The following CA10 variants were observed in gnomAD, a reference collection of about 807,000 sequenced individuals.
CA10 encodes carbonic anhydrase 10 (inactive), also known as carbonic anhydrase-related protein 10.
A neutral mutation model predicts 44.2 loss-of-function variants in CA10; 14 were observed. The ratio of observed to expected loss-of-function variants is 0.32; its 90% CI spans 0.21 to 0.50. The LOEUF is 0.50. Ranked by LOEUF, CA10 falls within the 20% of genes least tolerant of loss-of-function variation. The pLI is 0.99. For synonymous variants in CA10, 159 were observed against 141.6 expected (o/e 1.12, Z -0.87); for missense variants, 350 against 409.7 (o/e 0.85, Z 1.26).
At chr17:51,819,900 TTCTCTG>T (rs1567850125) in intron 3 of CA10, among the ~76,000 whole-genome samples, 2 of 152,230 alleles carry the variant, frequency 1.3e-5, no homozygotes, top group South Asian at 2.1e-4. Context: ...GTTTCTCGAT[TTCTCTG>T]TCTCTGTCTG....
At chr17:51,818,173 T>G (rs902856526) in intron 3 of CA10, among the ~76,000 whole-genome samples, 2 of 152,214 alleles carry the variant, frequency 1.3e-5, no homozygotes, top group African/African-American at 2.4e-5. Flanking sequence ...TGAGCCTCAC[T>G]CCATTCAACT....
At chr17:51,770,597 T>G (rs1490802660) in intron 3 of CA10, among the ~76,000 whole-genome samples, 1 of 152,176 alleles carries the variant, frequency 6.6e-6, no homozygotes, top group East Asian at 1.9e-4. Flanking sequence ...AGGCTGTTCT[T>G]GCATTGCTAT....
chr17:51,675,548 CAAA>C (rs34639980), intron 4 of CA10, among the ~76,000 whole-genome samples: 170 of 117,922 alleles, frequency 1.4e-3, no homozygotes, highest in Admixed American at 2.3e-3. Context: ...GACTCCATCT[CAAA>C]AAAAAAAAAA....
chr17:51,734,178 T>TGG (rs11302511), intron 4 of CA10, among the ~76,000 whole-genome samples: 26 of 130,212 alleles, frequency 2.0e-4, no homozygotes, highest in African/African-American at 3.9e-4. Flanking sequence ...AATCTTTGGT[T>TGG]GGGGGGGGGG....
intron 3 of CA10, among the ~76,000 whole-genome samples, chr17:51,831,554 G>C (rs4794307): frequency 0.043 from 6,483 of 152,122 alleles, 230 homozygotes; most frequent in Admixed American, 0.11. Context: ...TGACCAATAA[G>C]ACTATCAATG....
At chr17:51,842,995 A>G (rs923339049) in intron 3 of CA10, among the ~76,000 whole-genome samples, 10 of 152,232 alleles carry the variant, frequency 6.6e-5, no homozygotes, top group Admixed American at 5.9e-4. Flanking sequence ...TACAGTGACC[A>G]TCTCCATTGC....
At position 51,849,994 on chromosome 17, in the gene CA10, G is replaced by A. The variant is rs191821358; in HGVS notation, c.279+80996C>T. On this transcript the variant is annotated intron_variant, in intron 3 of 8. Transcript: ENST00000451037. ...CTGGGGTCTTTAGAACTAGCTTCCC[G>A]AAGACATGCTTCAAGGACAGGGAAA... Among the ~76,000 whole-genome samples, 347 of 152,312 alleles carry A rather than the reference G, an allele frequency of 2.3e-3. 2 individuals are homozygous for A. The highest frequency in any genetic ancestry group is 7.8e-3 in the African/African-American group (325 of 41,564).
At chr17:51,668,097 C>G (rs1914273150) in intron 4 of CA10, among the ~76,000 whole-genome samples, 1 of 152,228 alleles carries the variant, frequency 6.6e-6, no homozygotes, top group Non-Finnish European at 1.5e-5. Context: ...GGGCCTCTGT[C>G]TTTTGCCAGG....
intron 1 of CA10, among the ~76,000 whole-genome samples, chr17:52,149,945 G>A (rs544009813): frequency 1.3e-5 from 2 of 152,284 alleles, no homozygotes; most frequent in East Asian, 3.9e-4. Flanking sequence ...TTCATGCACA[G>A]AGGGAAAATG....
chr17:51,947,529 GCTTC>G (rs1175173330), intron 2 of CA10, among the ~76,000 whole-genome samples: 2 of 152,176 alleles, frequency 1.3e-5, no homozygotes, highest in Admixed American at 1.3e-4. Context: ...CAGATGTTTA[GCTTC>G]ACTTTAATAT....
At chr17:51,967,034 G>A (rs977794261) in intron 2 of CA10, among the ~76,000 whole-genome samples, 1 of 151,578 alleles carries the variant, frequency 6.6e-6, no homozygotes, top group Non-Finnish European at 1.5e-5. Flanking sequence ...CCATTAAAAA[G>A]CAGGCAAAAG....
At chr17:51,677,437 T>C (rs937895728) in intron 4 of CA10, among the ~76,000 whole-genome samples, 9 of 152,132 alleles carry the variant, frequency 5.9e-5, no homozygotes, top group African/African-American at 1.4e-4. Flanking sequence ...CCTGCCATCA[T>C]TGTAAGTTTC....
chr17:51,951,939 T>C (rs1043093700), intron 2 of CA10, among the ~76,000 whole-genome samples: 4 of 152,298 alleles, frequency 2.6e-5, no homozygotes, highest in African/African-American at 9.6e-5. Flanking sequence ...GCTGTGCTCA[T>C]CTCTGGCTAT....
chr17:52,139,590 T>C (rs1029005287), intron 1 of CA10, among the ~76,000 whole-genome samples: 1 of 152,084 alleles, frequency 6.6e-6, no homozygotes. Flanking sequence ...TTAACCTCTC[T>C]GAGCTTCCTT....
At chr17:52,074,660 T>G (rs1341960365) in intron 1 of CA10, among the ~76,000 whole-genome samples, 1 of 152,200 alleles carries the variant, frequency 6.6e-6, no homozygotes, top group African/African-American at 2.4e-5. Context: ...AAAAAAATTT[T>G]TACAGTGTTT....
chr17:51,662,727 G>T (rs1914052743), intron 4 of CA10, among the ~76,000 whole-genome samples: 1 of 152,176 alleles, frequency 6.6e-6, no homozygotes, highest in South Asian at 2.1e-4. Context: ...GAGATTTTCT[G>T]CATTGTAGGC....
rs576254529 is a variant in CA10, at chr17:52,017,065, C to T, written c.136+55254G>A. The stretch of plus-strand genomic sequence containing the variant: ...GCTAGAAGCAGATGCTGGTGAGATG[C>T]TTTCTGTACATTCCGCAGAACTGTG... On this transcript the variant is annotated intron_variant, in intron 2 of 8. Coordinates refer to ENST00000451037, the MANE Select transcript of CA10 (RefSeq NM_020178.5). Among the ~76,000 whole-genome samples the T allele has an allele frequency of 1.2e-3, 181 of 152,240 alleles. 1 individual carries two copies. The highest frequency in any genetic ancestry group is 4.1e-3 in the African/African-American group (169 of 41,556).
At chr17:51,908,437 T>C (rs141704174) in intron 3 of CA10, among the ~76,000 whole-genome samples, 46 of 152,304 alleles carry the variant, frequency 3.0e-4, no homozygotes, top group African/African-American at 1.1e-3. Flanking sequence ...GTGAATAATT[T>C]CTTCTTTTCT....
chr17:51,674,023 G>A (rs994469), intron 4 of CA10, among the ~76,000 whole-genome samples: 20,247 of 152,120 alleles, frequency 0.13, 1,535 homozygotes, highest in South Asian at 0.26. Context: ...CCCTGCTCAG[G>A]CTTCACCCTC....
Sources: allele counts gnomAD v4.1 joint callset (sites outside exome capture counted in the v4.1 genomes callset), GRCh38; gene constraint gnomAD v4.1.1; transcripts MANE v1.5; gene names NCBI Gene and HGNC (gene_info 2026-07-23, HGNC 2026-07-21).